The following TAOK3 variants were observed in gnomAD, a reference collection of about 807,000 sequenced individuals.
TAOK3 encodes the protein serine/threonine-protein kinase TAO3.
A neutral mutation model predicts 120.4 loss-of-function variants in TAOK3; 40 were observed. That is an observed-to-expected ratio of 0.33 (90% CI 0.26 to 0.43). The LOEUF (loss-of-function observed/expected upper bound fraction) is 0.43, where lower values mean the gene tolerates loss of function less well. Ranked by LOEUF, TAOK3 falls within the 20% of genes least tolerant of loss-of-function variation. TAOK3 has a pLI of 1.00. For missense variants in TAOK3, 821 were observed against 1,112.1 expected (o/e 0.74, Z 3.72); for synonymous variants, 355 against 387.5 (o/e 0.92, Z 0.99).
Position 118,189,869 on chromosome 12 carries a change from G to C in TAOK3, c.1267C>G (p.Gln423Glu), listed in dbSNP as rs1388868942. The C allele has an allele frequency of 1.2e-5, 19 of 1,614,092 alleles. No individual in the cohort carries two copies. The highest frequency in any genetic ancestry group is 1.5e-5 in the Non-Finnish European group (18 of 1,180,046). ...RPEPRPTQSV[Q>E]SQALHYRNRE... ...TTCCGGTAGTGGAGGGCCTGGCTCT[G>C]AACTGACTGGGTAGGCCGCGGCTCA... Residue 423 changes from glutamine (Q) to glutamate (E), a missense_variant, in exon 14 of 21, where the codon CAG becomes GAG. Transcript: ENST00000392533.
chr12:118,266,834 T>C (rs2041469238), intron 1 of TAOK3, 75 bp from the exon 2 acceptor site: 1 of 388,270 alleles, frequency 2.6e-6, no homozygotes, highest in African/African-American at 2.1e-5. Flanking sequence ...GTGGTAGTTT[T>C]ACATATTTAC....
intron 16 of TAOK3, among the ~76,000 whole-genome samples, chr12:118,175,471 C>CA (rs1565897592): frequency 6.6e-6 from 1 of 151,724 alleles, no homozygotes; most frequent in African/African-American, 2.4e-5. Flanking sequence ...ACTAAAAATA[C>CA]AAAAAATTAG....
intron 1 of TAOK3, among the ~76,000 whole-genome samples, chr12:118,298,652 G>A (rs2042768404): frequency 6.6e-6 from 1 of 152,118 alleles, no homozygotes; most frequent in Non-Finnish European, 1.5e-5. Context: ...TAACAATAAT[G>A]AAGACAAAGA....
At chr12:118,190,138 C>A in intron 13 of TAOK3, 197 bp from the exon 14 acceptor site, 1 of 598,962 alleles carries the variant, frequency 1.7e-6, no homozygotes, top group Non-Finnish European at 2.8e-6. Context: ...GTCAGCTGAT[C>A]GCTAGTGGGA....
At chr12:118,299,522 T>C (rs1164438250) in intron 1 of TAOK3, among the ~76,000 whole-genome samples, 1 of 152,204 alleles carries the variant, frequency 6.6e-6, no homozygotes, top group East Asian at 1.9e-4. Context: ...TATTTATTTA[T>C]TTTTTAAGAC....
intron 1 of TAOK3, among the ~76,000 whole-genome samples, chr12:118,325,211 C>T (rs920622507): frequency 3.9e-5 from 6 of 152,210 alleles, no homozygotes; most frequent in Non-Finnish European, 7.3e-5. Flanking sequence ...TCTCTGATTA[C>T]TGATTTCCTT....
At chr12:118,340,266 T>C (rs1229552654) in intron 1 of TAOK3, among the ~76,000 whole-genome samples, 1 of 152,176 alleles carries the variant, frequency 6.6e-6, no homozygotes, top group Non-Finnish European at 1.5e-5. Flanking sequence ...CACCCCACCT[T>C]CCCTCCCAAG....
At chr12:118,355,626 A>G (rs927041525) in intron 1 of TAOK3, among the ~76,000 whole-genome samples, 2 of 152,198 alleles carry the variant, frequency 1.3e-5, no homozygotes, top group Non-Finnish European at 2.9e-5. Flanking sequence ...TACTTCTATT[A>G]TTATAACGCT....
intron 1 of TAOK3, among the ~76,000 whole-genome samples, chr12:118,355,383 G>A (rs753896222): frequency 5.9e-5 from 9 of 152,144 alleles, no homozygotes; most frequent in Non-Finnish European, 8.8e-5. Flanking sequence ...TGTTTCCCGG[G>A]CTGTTCCATC....
chr12:118,220,769 T>C (rs2039190887), intron 9 of TAOK3, among the ~76,000 whole-genome samples: 1 of 152,024 alleles, frequency 6.6e-6, no homozygotes. Context: ...GCAGAAAAGA[T>C]GGCTGACCAT....
At chr12:118,362,695 T>G (rs927584967) in intron 1 of TAOK3, among the ~76,000 whole-genome samples, 5 of 152,112 alleles carry the variant, frequency 3.3e-5, no homozygotes, top group African/African-American at 4.8e-5. Flanking sequence ...AATGACAATC[T>G]TATTTCAATT....
At chr12:118,157,535 G>A (rs920808401) in intron 19 of TAOK3, among the ~76,000 whole-genome samples, 11 of 152,166 alleles carry the variant, frequency 7.2e-5, no homozygotes, top group Admixed American at 1.3e-4. Flanking sequence ...CGTTCCTCAT[G>A]TGTAGGTTCC....
intron 1 of TAOK3, among the ~76,000 whole-genome samples, chr12:118,361,188 G>A (rs1423218910): frequency 6.6e-6 from 1 of 151,940 alleles, no homozygotes; most frequent in East Asian, 1.9e-4. Context: ...TATTATTTTG[G>A]TCTTATTAGA....
At position 118,201,258 on chromosome 12, in the gene TAOK3, G is replaced by A. The variant is rs773082933; in HGVS notation, c.987+38C>T. On this transcript the variant is annotated intron_variant, in intron 12 of 20. Coordinates refer to ENST00000392533, the MANE Select transcript of TAOK3 (RefSeq NM_016281.4). ...AGTCTAGAACTTTTTCACATAGTGGGCATTCTATAAGTGCCTGCTAAAATA... is the reference window on the plus strand; with the variant it reads ...AGTCTAGAACTTTTTCACATAGTGGACATTCTATAAGTGCCTGCTAAAATA... 12 of 1,561,316 alleles carry A rather than the reference G, an allele frequency of 7.7e-6. No individual in the cohort carries two copies. In the South Asian group the frequency reaches 1.4e-4, roughly 19 times the overall value.
intron 1 of TAOK3, among the ~76,000 whole-genome samples, chr12:118,364,351 G>A (rs2045687185): frequency 6.6e-6 from 1 of 151,836 alleles, no homozygotes; most frequent in Admixed American, 6.6e-5. Flanking sequence ...CCTTATTAAG[G>A]CCCTCGTAAG....
intron 1 of TAOK3, among the ~76,000 whole-genome samples, chr12:118,336,432 T>A (rs1238707246): frequency 6.6e-6 from 1 of 152,140 alleles, no homozygotes; most frequent in Non-Finnish European, 1.5e-5. Context: ...AAACCTCTTA[T>A]CTTATACAAA....
At chr12:118,177,431 A>C in intron 15 of TAOK3, 102 bp from the exon 16 acceptor site, 1 of 797,966 alleles carries the variant, frequency 1.3e-6, no homozygotes, top group Non-Finnish European at 1.9e-6. Context: ...AGTGCTAATA[A>C]TGAGACATTT....
At chr12:118,237,992 T>C in intron 7 of TAOK3, 81 bp downstream of exon 7, 1 of 895,692 alleles carries the variant, frequency 1.1e-6, no homozygotes, top group South Asian at 1.7e-5. Context: ...ACCTAAAAAT[T>C]GGAGCATGCA....
At chr12:118,365,717 G>C (rs1292848005) in intron 1 of TAOK3, among the ~76,000 whole-genome samples, 4 of 152,118 alleles carry the variant, frequency 2.6e-5, no homozygotes, top group African/African-American at 4.8e-5. Context: ...TTACCACAGA[G>C]GATGCAAAGA....
Sources: allele counts gnomAD v4.1 joint callset (sites outside exome capture counted in the v4.1 genomes callset), GRCh38; gene constraint gnomAD v4.1.1; transcripts MANE v1.5; gene names NCBI Gene and HGNC (gene_info 2026-07-23, HGNC 2026-07-21).